AFG2A: variants seen among roughly 807,000 people sequenced by gnomAD.
AFG2A encodes the protein ATPase family gene 2 protein homolog A.
the AFG2A span, among the ~76,000 whole-genome samples, chr4:122,985,932 C>T: frequency 6.6e-6 from 1 of 151,756 alleles, no homozygotes; most frequent in African/African-American, 2.4e-5. Flanking sequence ...TTCCTCTTAG[C>T]ACTGCCTTTG....
the AFG2A span, among the ~76,000 whole-genome samples, chr4:123,069,294 C>T: frequency 6.6e-6 from 1 of 152,154 alleles, no homozygotes; most frequent in African/African-American, 2.4e-5. Flanking sequence ...TTCAGTCACA[C>T]TTATTTTATT....
At chr4:123,288,237 A>G in the AFG2A span, among the ~76,000 whole-genome samples, 1 of 152,180 alleles carries the variant, frequency 6.6e-6, no homozygotes, top group Non-Finnish European at 1.5e-5. Flanking sequence ...AGCTCTTCCA[A>G]GGAGAGTTGC....
chr4:123,081,554 T>C, the AFG2A span, among the ~76,000 whole-genome samples: 1 of 152,338 alleles, frequency 6.6e-6, no homozygotes, highest in Admixed American at 6.5e-5. Flanking sequence ...TCTTGGTTGC[T>C]TCCAAGTTAT....
chr4:123,086,860 TAC>T, the AFG2A span, among the ~76,000 whole-genome samples: 1 of 152,178 alleles, frequency 6.6e-6, no homozygotes, highest in East Asian at 1.9e-4. Context: ...CTATTTCTGT[TAC>T]AGTGTTTTTG....
At chr4:122,939,075 CTTTTTTTTTTT>C in the AFG2A span, among the ~76,000 whole-genome samples, 1,398 of 102,226 alleles carry the variant, frequency 0.014, 48 homozygotes, top group Middle Eastern at 0.027. Flanking sequence ...TATGTTCTTT[CTTTTTTTTTTT>C]TTTTTTTTTT....
At chr4:123,078,851 A>G in the AFG2A span, among the ~76,000 whole-genome samples, 96 of 152,300 alleles carry the variant, frequency 6.3e-4, no homozygotes, top group South Asian at 0.012. Context: ...GCTGAAAAAC[A>G]TAGAGATGAG....
At chr4:122,924,577 T>C in the AFG2A span, among the ~76,000 whole-genome samples, 6 of 152,328 alleles carry the variant, frequency 3.9e-5, no homozygotes, top group South Asian at 2.1e-4. Context: ...TCCTCTTCCC[T>C]TGACCATTAA....
At chr4:123,304,056 A>G in the AFG2A span, among the ~76,000 whole-genome samples, 1 of 152,068 alleles carries the variant, frequency 6.6e-6, no homozygotes, top group South Asian at 2.1e-4. Context: ...AATGGTTTTC[A>G]GTGAAGTGGC....
the AFG2A span, among the ~76,000 whole-genome samples, chr4:123,007,023 A>G: frequency 6.7e-6 from 1 of 150,030 alleles, no homozygotes; most frequent in East Asian, 2.0e-4. Context: ...GTAATTTCTG[A>G]TTGAATTCTA....
chr4:123,017,183 G>A, the AFG2A span, among the ~76,000 whole-genome samples: 119 of 10,156 alleles, frequency 0.012, 6 homozygotes, highest in Non-Finnish European at 0.027. Context: ...AGAGGGGGGA[G>A]AGGGAAAGGG....
At chr4:123,161,855 G>A in the AFG2A span, among the ~76,000 whole-genome samples, 2 of 152,134 alleles carry the variant, frequency 1.3e-5, no homozygotes, top group Admixed American at 6.5e-5. Flanking sequence ...ATATTGTAAT[G>A]TATAAAGAAA....
the AFG2A span, among the ~76,000 whole-genome samples, chr4:123,141,714 C>T: frequency 8.5e-5 from 13 of 152,230 alleles, no homozygotes; most frequent in Middle Eastern, 3.4e-3. Flanking sequence ...TTTGGAGAAA[C>T]GTCTATGCAA....
At chr4:123,131,554 G>A in the AFG2A span, among the ~76,000 whole-genome samples, 199 of 152,144 alleles carry the variant, frequency 1.3e-3, 1 homozygote, top group Non-Finnish European at 2.4e-3. Flanking sequence ...TGACTGCTCT[G>A]GATACCTCAT....
chr4:123,095,042 A>AATAT, the AFG2A span, among the ~76,000 whole-genome samples: 37 of 114,098 alleles, frequency 3.2e-4, 2 homozygotes, highest in South Asian at 5.6e-4. Context: ...AAAAAAAAAA[A>AATAT]ATATATATAT....
the AFG2A span, among the ~76,000 whole-genome samples, chr4:123,247,582 A>ATGTTTATTTGTT: frequency 6.7e-6 from 1 of 149,496 alleles, no homozygotes; most frequent in Non-Finnish European, 1.5e-5. Context: ...GCTAATTTTT[A>ATGTTTATTTGTT]TGTTTGTTTG....
the AFG2A span, chr4:122,923,320 G>T: frequency 6.2e-7 from 1 of 1,613,596 alleles, no homozygotes. Context: ...AGAATTCCGG[G>T]TGGGAGACTA....
At chr4:123,069,517 A>G in the AFG2A span, among the ~76,000 whole-genome samples, 2 of 152,212 alleles carry the variant, frequency 1.3e-5, no homozygotes, top group Admixed American at 6.5e-5. Context: ...AGAAAAAAAC[A>G]GATGAAGAGA....
At chr4:123,200,069 A>AT in the AFG2A span, among the ~76,000 whole-genome samples, 1 of 152,086 alleles carries the variant, frequency 6.6e-6, no homozygotes. Context: ...GCCCTTACAT[A>AT]TTTTTTGTTT....
the AFG2A span, among the ~76,000 whole-genome samples, chr4:123,007,083 A>G: frequency 6.6e-6 from 1 of 151,950 alleles, no homozygotes; most frequent in Non-Finnish European, 1.5e-5. Flanking sequence ...AAATATTCAT[A>G]AGAATTTTAG....
Sources: gnomAD v4.1 joint callset for allele counts (sites outside exome capture counted in the v4.1 genomes callset) on GRCh38, gnomAD v4.1.1 for gene constraint, MANE v1.5 for transcripts, NCBI Gene and HGNC (gene_info 2026-07-23, HGNC 2026-07-21) for gene names.